ATRNL1: variants seen among roughly 807,000 people sequenced by gnomAD.
ATRNL1 encodes the protein attractin-like protein 1.
A neutral mutation model predicts 182.7 loss-of-function variants in ATRNL1; 95 were observed. The ratio of observed to expected loss-of-function variants is 0.52; its 90% CI spans 0.44 to 0.62. The LOEUF (loss-of-function observed/expected upper bound fraction) is 0.62. Among genes scored for constraint, ATRNL1 ranks in the 20% least tolerant of loss-of-function variants. The probability of loss-of-function intolerance (pLI) is 0.00; values close to 1 mark genes in which losing one functional copy is unlikely to be tolerated. For synonymous variants in ATRNL1, 576 were observed against 568.3 expected (o/e 1.01, Z -0.19); for missense variants, 1,471 against 1,679.5 (o/e 0.88, Z 2.17).
At chr10:115,534,250 C>A (rs11516962) in intron 25 of ATRNL1, among the ~76,000 whole-genome samples, 5 of 149,840 alleles carry the variant, frequency 3.3e-5, no homozygotes, top group Admixed American at 1.3e-4. Context: ...AGTCTCCTTG[C>A]AGGTCACTCA....
chr10:115,427,518 G>T (rs1471087044), intron 21 of ATRNL1, among the ~76,000 whole-genome samples: 3 of 152,082 alleles, frequency 2.0e-5, no homozygotes, highest in Admixed American at 1.3e-4. Context: ...ACAGGTCACT[G>T]TGATTTTCCC....
chr10:115,310,953 A>G (rs1214426423), intron 17 of ATRNL1, among the ~76,000 whole-genome samples: 2 of 152,104 alleles, frequency 1.3e-5, no homozygotes, highest in African/African-American at 4.8e-5. Context: ...GGCATTTAGT[A>G]CTATAAACTT....
At chr10:115,411,259 T>C (rs540597753) in intron 20 of ATRNL1, among the ~76,000 whole-genome samples, 8 of 150,298 alleles carry the variant, frequency 5.3e-5, no homozygotes, top group Non-Finnish European at 1.2e-4. Context: ...ATTCAAATAT[T>C]TAAATAAATT....
At chr10:115,793,285 C>T (rs1555082168) in intron 27 of ATRNL1, among the ~76,000 whole-genome samples, 1 of 152,042 alleles carries the variant, frequency 6.6e-6, no homozygotes, top group Non-Finnish European at 1.5e-5. Context: ...TCAACTTCAA[C>T]TCAATCATGT....
intron 26 of ATRNL1, among the ~76,000 whole-genome samples, chr10:115,717,533 G>T (rs1359403220): frequency 7.3e-6 from 1 of 137,226 alleles, no homozygotes; most frequent in African/African-American, 2.6e-5. Context: ...TGATTTTCCC[G>T]CTGCCTGAAA....
At chr10:115,740,133 C>T (rs1555067223) in intron 27 of ATRNL1, among the ~76,000 whole-genome samples, 1 of 151,832 alleles carries the variant, frequency 6.6e-6, no homozygotes, top group Non-Finnish European at 1.5e-5. Flanking sequence ...TTCATGTGTT[C>T]CCATATTTTA....
intron 27 of ATRNL1, among the ~76,000 whole-genome samples, chr10:115,752,393 G>A (rs1426455340): frequency 1.3e-5 from 2 of 152,010 alleles, no homozygotes; most frequent in Non-Finnish European, 2.9e-5. Context: ...CCCCTATTAT[G>A]AGCAAACTCT....
At chr10:115,341,957 T>C (rs1855772193) in intron 19 of ATRNL1, among the ~76,000 whole-genome samples, 1 of 152,138 alleles carries the variant, frequency 6.6e-6, no homozygotes. Context: ...GTATTTTTTT[T>C]CCATCCATTC....
chr10:115,122,104 C>A (rs2143637544), intron 3 of ATRNL1, among the ~76,000 whole-genome samples: 1 of 151,916 alleles, frequency 6.6e-6, no homozygotes, highest in East Asian at 1.9e-4. Flanking sequence ...GTTTTCAGAA[C>A]TATCTGGATA....
intron 27 of ATRNL1, among the ~76,000 whole-genome samples, chr10:115,786,567 G>A (rs1470871419): frequency 6.6e-6 from 1 of 152,088 alleles, no homozygotes; most frequent in Admixed American, 6.6e-5. Context: ...CTTCTTAGAA[G>A]GATACAAGTC....
intron 25 of ATRNL1, among the ~76,000 whole-genome samples, chr10:115,542,872 C>T (rs1852438661): frequency 6.6e-6 from 1 of 152,144 alleles, no homozygotes; most frequent in Non-Finnish European, 1.5e-5. Flanking sequence ...ATGGCCTTTC[C>T]TCCATGCATG....
chr10:115,248,905 T>C (rs1850756307), intron 10 of ATRNL1, among the ~76,000 whole-genome samples: 1 of 152,236 alleles, frequency 6.6e-6, no homozygotes, highest in African/African-American at 2.4e-5. Flanking sequence ...ATATTCATCT[T>C]GTTGTGAGCC....
At chr10:115,434,188 T>A (rs189903108) in intron 21 of ATRNL1, among the ~76,000 whole-genome samples, 30 of 152,126 alleles carry the variant, frequency 2.0e-4, no homozygotes, top group Admixed American at 1.0e-3. Flanking sequence ...TTATTGTGAA[T>A]GTTTTTCTTA....
rs548312726 is a variant in ATRNL1, at chr10:115,368,253, A to G, written c.3176-26406A>G. Among the ~76,000 whole-genome samples the G allele has an allele frequency of 7.1e-4, 108 of 152,278 alleles. 4 individuals are homozygous for G. In the South Asian group the frequency reaches 0.022, roughly 31 times the overall value. ...TGCGCCGTTTTTTAAGCCGGTCCGAAAAGCGCAATATTCGGGTGGGAGTGA... is the reference window on the plus strand; with the variant it reads ...TGCGCCGTTTTTTAAGCCGGTCCGAGAAGCGCAATATTCGGGTGGGAGTGA... On this transcript the variant is annotated intron_variant, in intron 19 of 28. Transcript: ENST00000355044.
intron 27 of ATRNL1, among the ~76,000 whole-genome samples, chr10:115,829,410 G>A (rs2134306440): frequency 6.6e-6 from 1 of 151,672 alleles, no homozygotes; most frequent in Middle Eastern, 3.4e-3. Context: ...CAACTTTTTA[G>A]GAAGGTTAAT....
intron 1 of ATRNL1, among the ~76,000 whole-genome samples, chr10:115,118,563 G>A (rs1844592163): frequency 6.6e-6 from 1 of 151,970 alleles, no homozygotes; most frequent in Admixed American, 6.6e-5. Flanking sequence ...TTAACTTCTG[G>A]TACACCACTA....
intron 10 of ATRNL1, among the ~76,000 whole-genome samples, chr10:115,252,871 T>C (rs1223578920): frequency 6.6e-6 from 1 of 152,206 alleles, no homozygotes; most frequent in Non-Finnish European, 1.5e-5. Flanking sequence ...ACTCCTGCTA[T>C]ACTATTCCCT....
intron 17 of ATRNL1, among the ~76,000 whole-genome samples, chr10:115,307,666 C>CA (rs1397414364): frequency 1.3e-5 from 2 of 152,116 alleles, no homozygotes; most frequent in Non-Finnish European, 1.5e-5. Context: ...AGTTACCTGG[C>CA]AGTGATCCAC....
chr10:115,920,794 G>T (rs1259955422), intron 28 of ATRNL1, among the ~76,000 whole-genome samples: 1 of 152,124 alleles, frequency 6.6e-6, no homozygotes. Flanking sequence ...AAAAGAAGTC[G>T]TTTAAACCCA....
Sources: gnomAD v4.1 joint callset for allele counts (sites outside exome capture counted in the v4.1 genomes callset) on GRCh38, gnomAD v4.1.1 for gene constraint, MANE v1.5 for transcripts, NCBI Gene and HGNC (gene_info 2026-07-23, HGNC 2026-07-21) for gene names.